GPC6: variants seen among roughly 807,000 people sequenced by gnomAD.
GPC6 encodes the protein glypican 6.
A neutral mutation model predicts 55.2 loss-of-function variants in GPC6; 14 were observed. The observed-to-expected ratio is 0.25, with a 90% confidence interval of 0.17 to 0.40. The LOEUF is 0.40. Ranked by LOEUF, GPC6 falls within the 10% of genes least tolerant of loss-of-function variation. The pLI is 1.00. For missense variants in GPC6, 641 were observed against 708.5 expected (o/e 0.90, Z 1.08); for synonymous variants, 278 against 259.6 (o/e 1.07, Z -0.68).
chr13:93,357,542 A>G (rs75924351), intron 1 of GPC6, among the ~76,000 whole-genome samples: 3,879 of 152,282 alleles, frequency 0.025, 176 homozygotes, highest in African/African-American at 0.088. Context: ...AGTATTTTCT[A>G]TTTTTAAAAA....
Position 94,315,946 on chromosome 13 carries a change from A to AT in GPC6, c.1152+9832dup, listed in dbSNP as rs539717985. Among the ~76,000 whole-genome samples, 11 of 137,784 alleles carry AT rather than the reference A, an allele frequency of 8.0e-5. No individual in the cohort carries two copies. In the South Asian group the frequency reaches 9.2e-4, roughly 12 times the overall value. 90.4% of individuals were successfully genotyped at this position (137,784 alleles called of 152,430 possible). ...GTAAACATCCTGAAAACATTATGAG[A>AT]TTTTTTTTTAGCTCATCAGCCATCT... is the stretch of plus-strand genomic sequence containing the variant. On this transcript the variant is annotated intron_variant, in intron 6 of 8. Transcript: ENST00000377047.
intron 2 of GPC6, among the ~76,000 whole-genome samples, chr13:93,556,904 A>G (rs577922086): frequency 2.0e-5 from 3 of 152,300 alleles, no homozygotes; most frequent in African/African-American, 4.8e-5. Context: ...TTGTGGCTGA[A>G]TAGTACTCCA....
chr13:94,137,019 G>A (rs574441827), intron 4 of GPC6, among the ~76,000 whole-genome samples: 11 of 152,266 alleles, frequency 7.2e-5, no homozygotes, highest in African/African-American at 2.6e-4. Flanking sequence ...GGGCAAAGGA[G>A]AAAAGACAAG....
chr13:93,433,644 T>C (rs1171996925), intron 1 of GPC6, among the ~76,000 whole-genome samples: 1 of 152,052 alleles, frequency 6.6e-6, no homozygotes, highest in African/African-American at 2.4e-5. Flanking sequence ...GAAATGGAGA[T>C]ATTATAAAAT....
intron 1 of GPC6, among the ~76,000 whole-genome samples, chr13:93,375,281 C>T (rs977381486): frequency 2.0e-5 from 3 of 152,142 alleles, no homozygotes; most frequent in Non-Finnish European, 4.4e-5. Context: ...CCTTTGTGTG[C>T]GGTAATGTAA....
chr13:93,840,133 C>T (rs1887895391), intron 3 of GPC6, among the ~76,000 whole-genome samples: 1 of 152,086 alleles, frequency 6.6e-6, no homozygotes, highest in Non-Finnish European at 1.5e-5. Context: ...ATTACCATTT[C>T]AATCTCACTG....
intron 1 of GPC6, among the ~76,000 whole-genome samples, chr13:93,363,796 G>T (rs1881137891): frequency 6.6e-6 from 1 of 151,660 alleles, no homozygotes; most frequent in African/African-American, 2.4e-5. Context: ...TCCAGCACCT[G>T]TTGTTTCCTG....
At chr13:93,550,935 G>A (rs946503058) in intron 2 of GPC6, among the ~76,000 whole-genome samples, 1 of 152,014 alleles carries the variant, frequency 6.6e-6, no homozygotes, top group Admixed American at 6.6e-5. Flanking sequence ...TTTACGTTTT[G>A]GGGGAGACAT....
intron 2 of GPC6, among the ~76,000 whole-genome samples, chr13:93,810,209 A>G (rs549992047): frequency 6.6e-6 from 1 of 152,222 alleles, no homozygotes; most frequent in Non-Finnish European, 1.5e-5. Flanking sequence ...ACTTTGTTGT[A>G]GAAACAGCTT....
chr13:94,286,492 G>A lies in GPC6; in HGVS notation c.1008+13G>A, dbSNP rs1257452687. The A allele has an allele frequency of 1.9e-6, 3 of 1,609,480 alleles. No homozygotes were observed. Among genetic ancestry groups the A allele is most frequent in the Middle Eastern group, 3.3e-4 (2 of 6,050 alleles). ...GGTGTCTGCAAAGGTATTTGCATTA[G>A]TAATGTATCTGCCAATACATGTATG... On this transcript the variant is annotated intron_variant, in intron 5 of 8. Transcript: ENST00000377047.
At chr13:93,922,092 GA>G (rs1264475757) in intron 3 of GPC6, among the ~76,000 whole-genome samples, 3 of 152,012 alleles carry the variant, frequency 2.0e-5, no homozygotes, top group African/African-American at 7.2e-5. Flanking sequence ...AAAAGAAAAA[GA>G]AAAAAATGAA....
At chr13:94,342,234 CA>C (rs1446554647) in intron 6 of GPC6, among the ~76,000 whole-genome samples, 1 of 152,164 alleles carries the variant, frequency 6.6e-6, no homozygotes, top group African/African-American at 2.4e-5. Context: ...TTGCGTCCCC[CA>C]AAAAGATATG....
intron 2 of GPC6, among the ~76,000 whole-genome samples, chr13:93,760,526 G>A (rs1030515290): frequency 2.0e-5 from 3 of 152,156 alleles, no homozygotes; most frequent in African/African-American, 7.2e-5. Context: ...CCAGAGCATG[G>A]CCTGCACAGG....
intron 4 of GPC6, among the ~76,000 whole-genome samples, chr13:94,057,659 AT>A (rs546544328): frequency 2.0e-5 from 3 of 152,358 alleles, no homozygotes; most frequent in Admixed American, 6.5e-5. Context: ...AATATGTACC[AT>A]CATTATACTG....
chr13:94,335,742 TAAA>T (rs1265245076), intron 6 of GPC6, among the ~76,000 whole-genome samples: 2 of 152,164 alleles, frequency 1.3e-5, no homozygotes, highest in African/African-American at 4.8e-5. Context: ...TCTGAAATAA[TAAA>T]GACCTTTTGG....
In GPC6 at chr13:93,545,371, C is replaced by G. The variant is rs528915900; in HGVS notation, c.269C>G (p.Thr90Arg). ...KLEFENLVEE[T>R]SHFVRTTFVS... ...GAATTTGAAAACCTTGTGGAAGAGACAAGCCATTTTGTGCGCACCACTTTT... is the reference window on the plus strand; with the variant it reads ...GAATTTGAAAACCTTGTGGAAGAGAGAAGCCATTTTGTGCGCACCACTTTT... Residue 90 changes from threonine (T) to arginine (R), a missense_variant, in exon 2 of 9, where the codon ACA becomes AGA. Physicochemically the swap from Thr to Arg is moderately conservative, Grantham distance 71. Transcript: ENST00000377047. 1.9e-6 allele frequency: 3 copies of G among 1,613,814 alleles called. No individual in the cohort carries two copies. Among genetic ancestry groups the G allele is most frequent in the East Asian group, 2.2e-5 (1 of 44,854 alleles).
Position 93,289,211 on chromosome 13 carries a change from G to A in GPC6, c.160+61595G>A, listed in dbSNP as rs911391314. Among the ~76,000 whole-genome samples the A allele has an allele frequency of 2.6e-5, 4 of 152,090 alleles. No individual in the cohort carries two copies. In the South Asian group the frequency reaches 6.2e-4, roughly 24 times the overall value. ...ACTGCAACGTCTTTAATGCACACCA[G>A]CAGGAGACAAGGGGAGAACCCTAAC... On this transcript the variant is annotated intron_variant, in intron 1 of 8. Coordinates refer to ENST00000377047, the MANE Select transcript of GPC6 (RefSeq NM_005708.5).
chr13:94,275,883 A>G (rs536871732), intron 4 of GPC6, among the ~76,000 whole-genome samples: 19 of 152,276 alleles, frequency 1.2e-4, no homozygotes, highest in Admixed American at 2.6e-4. Context: ...TGAGATGCCA[A>G]TTTCTTACTC....
chr13:93,341,236 T>C (rs878914774), intron 1 of GPC6, among the ~76,000 whole-genome samples: 1 of 152,218 alleles, frequency 6.6e-6, no homozygotes, highest in East Asian at 1.9e-4. Context: ...GTCTTTTTCA[T>C]ATAATGACTT....
Sources: allele counts gnomAD v4.1 joint callset (sites outside exome capture counted in the v4.1 genomes callset), GRCh38; gene constraint gnomAD v4.1.1; transcripts MANE v1.5; gene names NCBI Gene and HGNC (gene_info 2026-07-23, HGNC 2026-07-21).